The following ARHGAP15 variants were observed in gnomAD, a reference collection of about 807,000 sequenced individuals.
ARHGAP15 encodes the protein rho GTPase-activating protein 15.
Under a neutral mutation model 63.7 loss-of-function variants are expected in ARHGAP15, and 51 were observed. The observed-to-expected ratio is 0.80, with a 90% CI of 0.64 to 1.01. The LOEUF (loss-of-function observed/expected upper bound fraction) is 1.01. ARHGAP15 is among the 50% of genes least tolerant of loss of function. The pLI is 0.00. For missense variants in ARHGAP15, 560 were observed against 564.6 expected (o/e 0.99, Z 0.08); for synonymous variants, 191 against 193.8 (o/e 0.99, Z 0.12).
At chr2:143,435,189 A>C in intron 6 of ARHGAP15, 5 of 854,778 alleles carry the variant, frequency 5.8e-6, no homozygotes, top group Non-Finnish European at 7.0e-6. Flanking sequence ...AATCAAATAT[A>C]GAGATACTAT....
At chr2:143,547,545 G>A (rs1234330720) in intron 10 of ARHGAP15, among the ~76,000 whole-genome samples, 1 of 134,774 alleles carries the variant, frequency 7.4e-6, no homozygotes, top group Non-Finnish European at 1.6e-5. Flanking sequence ...GATTCCAAAG[G>A]TATAGATAAG....
chr2:143,345,239 A>T (rs866519012), intron 6 of ARHGAP15, among the ~76,000 whole-genome samples: 1 of 65,972 alleles, frequency 1.5e-5, no homozygotes, highest in Non-Finnish European at 2.7e-5. Context: ...ATGGGTTTGG[A>T]GCATATGAAA....
At chr2:143,179,827 G>A (rs1178697928) in intron 2 of ARHGAP15, among the ~76,000 whole-genome samples, 1 of 151,656 alleles carries the variant, frequency 6.6e-6, no homozygotes. Context: ...TGAAGGTGGA[G>A]GTTGCAGTAA....
At chr2:143,436,073 A>G (rs1375566274) in intron 7 of ARHGAP15, among the ~76,000 whole-genome samples, 1 of 152,104 alleles carries the variant, frequency 6.6e-6, no homozygotes, top group African/African-American at 2.4e-5. Flanking sequence ...ACTCACTGTT[A>G]TAATACCAAT....
intron 11 of ARHGAP15, among the ~76,000 whole-genome samples, chr2:143,620,885 T>C (rs1698621929): frequency 6.6e-6 from 1 of 152,206 alleles, no homozygotes; most frequent in Admixed American, 6.5e-5. Context: ...GATTTTGTTC[T>C]ATAAAAAGTT....
chr2:143,361,650 T>C (rs1686059919), intron 6 of ARHGAP15, among the ~76,000 whole-genome samples: 1 of 152,168 alleles, frequency 6.6e-6, no homozygotes, highest in Admixed American at 6.6e-5. Context: ...TTACTATTTA[T>C]GACCTATTAT....
intron 13 of ARHGAP15, 60 bp from the exon 14 acceptor site, chr2:143,767,929 A>G: frequency 6.6e-7 from 1 of 1,516,756 alleles, no homozygotes; most frequent in Non-Finnish European, 9.0e-7. Flanking sequence ...ATCACTCCAA[A>G]GTAGCCATAA....
chr2:143,326,426 C>G (rs1363395781), intron 6 of ARHGAP15, among the ~76,000 whole-genome samples: 2 of 151,918 alleles, frequency 1.3e-5, no homozygotes, highest in African/African-American at 4.8e-5. Context: ...GGAATTCAAA[C>G]TCATGTCTGC....
chr2:143,166,056 AG>A (rs1690513684), intron 2 of ARHGAP15, among the ~76,000 whole-genome samples: 1 of 151,930 alleles, frequency 6.6e-6, no homozygotes. Flanking sequence ...AAAGAAAGAA[AG>A]AAAGAAAAAA....
At chr2:143,713,561 C>G (rs564959105) in intron 13 of ARHGAP15, among the ~76,000 whole-genome samples, 1 of 152,286 alleles carries the variant, frequency 6.6e-6, no homozygotes, top group African/African-American at 2.4e-5. Context: ...AGCATTAACC[C>G]AAAAGTCCAC....
chr2:143,633,986 C>CCCAA (rs1231507230), intron 12 of ARHGAP15, among the ~76,000 whole-genome samples: 2 of 152,068 alleles, frequency 1.3e-5, no homozygotes, highest in Non-Finnish European at 2.9e-5. Context: ...TTTTTCTCTA[C>CCCAA]CCAACCCAGC....
intron 9 of ARHGAP15, among the ~76,000 whole-genome samples, chr2:143,511,481 T>C (rs1234349944): frequency 2.0e-5 from 3 of 152,162 alleles, no homozygotes; most frequent in Non-Finnish European, 4.4e-5. Flanking sequence ...TTTATGGTTG[T>C]TAAGTGAGGA....
At chr2:143,696,485 C>G (rs564711789) in intron 12 of ARHGAP15, among the ~76,000 whole-genome samples, 72 of 152,008 alleles carry the variant, frequency 4.7e-4, no homozygotes, top group African/African-American at 1.7e-3. Flanking sequence ...GAAGATCATT[C>G]TTAACATCCC....
chr2:143,487,252 G>A (rs1692365420), intron 8 of ARHGAP15, 121 bp from the exon 9 acceptor site: 2 of 1,155,562 alleles, frequency 1.7e-6, no homozygotes, highest in Non-Finnish European at 2.4e-6. Context: ...GTAGACAGAA[G>A]AGCCTGAGCT....
At position 143,543,427 on chromosome 2, in the gene ARHGAP15, G is replaced by T. The variant is rs866275859; in HGVS notation, c.926-12981G>T. ...TTGGTTGTTTGGTATTGAGTTGTTTGAGTACCTTATACATTCTGATGTTAA... is the reference window on the plus strand; with the variant it reads ...TTGGTTGTTTGGTATTGAGTTGTTTTAGTACCTTATACATTCTGATGTTAA... On this transcript the variant is annotated intron_variant, in intron 10 of 13. Coordinates refer to ENST00000295095, the MANE Select transcript of ARHGAP15 (RefSeq NM_018460.4). 2.0e-5 allele frequency among the ~76,000 whole-genome samples: 3 copies of T among 151,954 alleles called. No homozygotes were observed. In the South Asian group the frequency reaches 6.2e-4, roughly 32 times the overall value.
At chr2:143,253,889 T>A (rs1371405636) in intron 6 of ARHGAP15, among the ~76,000 whole-genome samples, 1 of 152,048 alleles carries the variant, frequency 6.6e-6, no homozygotes, top group Non-Finnish European at 1.5e-5. Flanking sequence ...TTATAAAAGA[T>A]CATACAAATT....
At chr2:143,706,569 G>A (rs904987282) in intron 13 of ARHGAP15, 2 of 152,088 alleles carry the variant, frequency 1.3e-5, no homozygotes, top group Non-Finnish European at 2.9e-5. Context: ...AGCTTAATGC[G>A]GCACAGTTGG....
At chr2:143,563,909 G>A (rs1195698363) in intron 11 of ARHGAP15, 2 of 152,224 alleles carry the variant, frequency 1.3e-5, no homozygotes, top group Non-Finnish European at 2.9e-5. Flanking sequence ...GCTACCTAAA[G>A]CAATACAAAT....
chr2:143,406,166 G>A (rs969483116), intron 6 of ARHGAP15, among the ~76,000 whole-genome samples: 1 of 151,774 alleles, frequency 6.6e-6, no homozygotes, highest in Non-Finnish European at 1.5e-5. Flanking sequence ...ATGTACCTCA[G>A]TTAATAATTT....
Sources: allele counts gnomAD v4.1 joint callset (sites outside exome capture counted in the v4.1 genomes callset), GRCh38; gene constraint gnomAD v4.1.1; transcripts MANE v1.5; gene names NCBI Gene and HGNC (gene_info 2026-07-23, HGNC 2026-07-21).